The following CUEDC1 variants were observed in gnomAD, a reference collection of about 807,000 sequenced individuals.
CUEDC1 encodes the protein CUE domain containing 1, also known as CUE domain-containing protein 1.
A neutral mutation model predicts 43.7 loss-of-function variants in CUEDC1; 30 were observed. The ratio of observed to expected loss-of-function variants is 0.69; its 90% CI spans 0.51 to 0.93. The LOEUF (loss-of-function observed/expected upper bound fraction) is 0.93, where lower values mean the gene tolerates loss of function less well. CUEDC1 is among the 40% of genes least tolerant of loss of function. The pLI is 0.00. For missense variants in CUEDC1, 486 were observed against 549.0 expected (o/e 0.89, Z 1.15); for synonymous variants, 223 against 223.6 (o/e 1.00, Z 0.02).
intron 1 of CUEDC1, among the ~76,000 whole-genome samples, chr17:57,887,840 A>G (rs562593298): frequency 1.3e-4 from 18 of 143,736 alleles, no homozygotes; most frequent in African/African-American, 4.1e-4. Flanking sequence ...CCCTGAGAAA[A>G]TCTGTTCACA....
At chr17:57,923,001 A>AT (rs2074712818) in intron 1 of CUEDC1, among the ~76,000 whole-genome samples, 1 of 149,662 alleles carries the variant, frequency 6.7e-6, no homozygotes, top group South Asian at 2.1e-4. Flanking sequence ...TCATTTTTTG[A>AT]TTTTTTATAG....
intron 10 of CUEDC1, 111 bp downstream of exon 10, chr17:57,866,363 C>A: frequency 1.1e-6 from 1 of 909,536 alleles, no homozygotes; most frequent in Non-Finnish European, 1.7e-6. Context: ...CCTGTGCTAC[C>A]CAGTTGCCTG....
intron 1 of CUEDC1, among the ~76,000 whole-genome samples, chr17:57,925,985 G>A (rs925250196): frequency 6.6e-5 from 10 of 152,208 alleles, no homozygotes; most frequent in African/African-American, 2.2e-4. Flanking sequence ...CAAGCTGGGT[G>A]GGGAGGCCCC....
intron 1 of CUEDC1, among the ~76,000 whole-genome samples, chr17:57,916,255 C>G (rs1378131562): frequency 2.0e-5 from 3 of 152,368 alleles, no homozygotes; most frequent in Non-Finnish European, 4.4e-5. Flanking sequence ...TCACAGCACA[C>G]TTGCTCCATC....
intron 1 of CUEDC1, among the ~76,000 whole-genome samples, chr17:57,938,679 T>G (rs1449670233): frequency 2.0e-5 from 3 of 151,972 alleles, no homozygotes; most frequent in Non-Finnish European, 4.4e-5. Context: ...TATTTATTTT[T>G]AAGACAGAGT....
At chr17:57,872,985 T>A in intron 4 of CUEDC1, 130 bp from the exon 5 acceptor site, 1 of 849,520 alleles carries the variant, frequency 1.2e-6, no homozygotes, top group Non-Finnish European at 1.8e-6. Context: ...TCACACCTCC[T>A]AATGGAACCT....
At chr17:57,875,648 C>G (rs985712794) in intron 3 of CUEDC1, among the ~76,000 whole-genome samples, 1 of 151,896 alleles carries the variant, frequency 6.6e-6, no homozygotes, top group South Asian at 2.1e-4. Flanking sequence ...GAAGGGTCCC[C>G]GGGGTTTCAG....
intron 3 of CUEDC1, among the ~76,000 whole-genome samples, chr17:57,877,035 G>A (rs2074135100): frequency 6.6e-6 from 1 of 152,216 alleles, no homozygotes; most frequent in Non-Finnish European, 1.5e-5. Flanking sequence ...AAGCTAGGCA[G>A]CTGAAGAAAG....
At chr17:57,887,255 T>A (rs9903232) in intron 1 of CUEDC1, among the ~76,000 whole-genome samples, 81,540 of 151,890 alleles carry the variant, frequency 0.54, 22,868 homozygotes, top group East Asian at 0.99. Context: ...ATGAGGGACC[T>A]TAATCTGCCA....
chr17:57,890,330 G>A (rs1314848335), intron 1 of CUEDC1, among the ~76,000 whole-genome samples: 2 of 152,220 alleles, frequency 1.3e-5, no homozygotes, highest in Non-Finnish European at 2.9e-5. Flanking sequence ...CAGCATGGTA[G>A]CAAGGTCTCT....
intron 1 of CUEDC1, among the ~76,000 whole-genome samples, chr17:57,940,793 T>TA (rs1355798677): frequency 6.6e-6 from 1 of 152,160 alleles, no homozygotes; most frequent in Non-Finnish European, 1.5e-5. Context: ...CAGTAGTTTT[T>TA]AAAAAAATAC....
chr17:57,893,349 ATG>A (rs147335365), intron 1 of CUEDC1, among the ~76,000 whole-genome samples: 23 of 148,230 alleles, frequency 1.6e-4, no homozygotes, highest in African/African-American at 3.0e-4. Flanking sequence ...CTCTCAGGGT[ATG>A]TGTGTGTGTG....
intron 3 of CUEDC1, among the ~76,000 whole-genome samples, chr17:57,875,529 C>A (rs1172746554): frequency 6.6e-6 from 1 of 151,954 alleles, no homozygotes. Flanking sequence ...GCAGCCCAGG[C>A]AACTCCATTG....
At chr17:57,884,855 C>A (rs1354237684) in intron 2 of CUEDC1, among the ~76,000 whole-genome samples, 1 of 152,208 alleles carries the variant, frequency 6.6e-6, no homozygotes, top group Non-Finnish European at 1.5e-5. Flanking sequence ...TCTGACTTGG[C>A]CACTAGCGGA....
intron 1 of CUEDC1, among the ~76,000 whole-genome samples, chr17:57,942,872 C>A (rs989062083): frequency 1.3e-5 from 2 of 151,558 alleles, no homozygotes; most frequent in African/African-American, 4.8e-5. Context: ...ACTAAAAATA[C>A]AAAAAATTAG....
At chr17:57,950,698 C>G (rs2074998818) in intron 1 of CUEDC1, among the ~76,000 whole-genome samples, 1 of 152,110 alleles carries the variant, frequency 6.6e-6, no homozygotes, top group African/African-American at 2.4e-5. Context: ...GTCTCGAACT[C>G]CTGACCTCAG....
chr17:57,905,575 G>A (rs1161987248), intron 1 of CUEDC1, among the ~76,000 whole-genome samples: 4 of 152,154 alleles, frequency 2.6e-5, no homozygotes, highest in South Asian at 2.1e-4. Context: ...ACAGGCCCAC[G>A]CGTGCAAAGC....
In CUEDC1 at chr17:57,885,747, C is replaced by T; in HGVS notation, c.-183G>A. On this transcript the variant is annotated 5_prime_UTR_variant, in exon 2 of 11. Transcript: ENST00000577830. ...GCTCCGGGTTAGGAGAGTACGGGCGCGGGGCCCCAGGCAGCCCTTGGAGAG... is the reference window on the plus strand; with the variant it reads ...GCTCCGGGTTAGGAGAGTACGGGCGTGGGGCCCCAGGCAGCCCTTGGAGAG... 3 of 1,022,294 alleles carry T rather than the reference C, an allele frequency of 2.9e-6. No homozygotes were observed. The highest frequency in any genetic ancestry group is 2.5e-6 in the Non-Finnish European group (2 of 790,478). 63.3% of individuals were successfully genotyped at this position (1,022,294 alleles called of 1,614,324 possible).
chr17:57,886,703 T>C lies in CUEDC1; in HGVS notation c.-315-824A>G, dbSNP rs191169555. 5.9e-5 allele frequency among the ~76,000 whole-genome samples: 9 copies of C among 152,328 alleles called. No homozygotes were observed. In the East Asian group the frequency reaches 1.7e-3, roughly 29 times the overall value. On this transcript the variant is annotated intron_variant, in intron 1 of 10. Transcript: ENST00000577830. Reference sequence around the variant, plus strand: ...GTCAGGCCGACATGTTTTATTTATATCACAGACACGTTTGTTCTTATGGAA... The same window carrying C: ...GTCAGGCCGACATGTTTTATTTATACCACAGACACGTTTGTTCTTATGGAA...
Sources: gnomAD v4.1 joint callset for allele counts (sites outside exome capture counted in the v4.1 genomes callset) on GRCh38, gnomAD v4.1.1 for gene constraint, MANE v1.5 for transcripts, NCBI Gene and HGNC (gene_info 2026-07-23, HGNC 2026-07-21) for gene names.